Variants in GPHN observed in about 807,000 individuals in gnomAD.
GPHN encodes the protein gephyrin.
GPHN carries 17 observed loss-of-function variants against 95.5 expected under a neutral mutation model. The ratio of observed to expected loss-of-function variants is 0.18; its 90% confidence interval spans 0.12 to 0.27. GPHN has a LOEUF of 0.27. Ranked by LOEUF, GPHN falls within the 10% of genes least tolerant of loss-of-function variation. The pLI is 1.00. For synonymous variants in GPHN, 320 were observed against 322.5 expected (o/e 0.99, Z 0.08); for missense variants, 660 against 978.1 (o/e 0.67, Z 4.34).
the GPHN span, among the ~76,000 whole-genome samples, chr14:67,636,786 T>C: frequency 6.6e-6 from 1 of 152,314 alleles, no homozygotes; most frequent in Non-Finnish European, 1.5e-5. Context: ...AAACAGCAAG[T>C]GAAAAATGAG....
intron 9 of GPHN, among the ~76,000 whole-genome samples, chr14:67,006,596 G>A (rs1420157886): frequency 1.3e-5 from 2 of 152,140 alleles, no homozygotes; most frequent in East Asian, 3.8e-4. Flanking sequence ...TTATACTGAA[G>A]CTGTAGATTA....
the GPHN span, chr14:67,589,232 C>T: frequency 2.1e-6 from 1 of 487,154 alleles, no homozygotes; most frequent in Non-Finnish European, 2.7e-6. Context: ...ATTTCCCCCA[C>T]CCTCTCTCCT....
At chr14:66,604,633 C>T (rs908694287) in intron 1 of GPHN, among the ~76,000 whole-genome samples, 3 of 152,000 alleles carry the variant, frequency 2.0e-5, no homozygotes, top group Non-Finnish European at 4.4e-5. Flanking sequence ...AGTATATATA[C>T]TCAGAAATGC....
At chr14:67,564,110 C>G in the GPHN span, among the ~76,000 whole-genome samples, 3 of 151,724 alleles carry the variant, frequency 2.0e-5, no homozygotes, top group African/African-American at 7.3e-5. Flanking sequence ...ACCATGTTAG[C>G]CAGGATGGTC....
At chr14:66,715,601 T>A (rs1448278098) in intron 2 of GPHN, among the ~76,000 whole-genome samples, 1 of 152,164 alleles carries the variant, frequency 6.6e-6, no homozygotes, top group Non-Finnish European at 1.5e-5. Flanking sequence ...TCAGTCTTTT[T>A]GATGTAGGTG....
the GPHN span, among the ~76,000 whole-genome samples, chr14:67,718,187 G>A: frequency 6.6e-6 from 1 of 152,170 alleles, no homozygotes; most frequent in African/African-American, 2.4e-5. Flanking sequence ...CTGTGGTGCT[G>A]TACGGGCTCC....
chr14:66,923,307 A>T (rs950370284), intron 7 of GPHN, among the ~76,000 whole-genome samples: 2 of 152,078 alleles, frequency 1.3e-5, no homozygotes, highest in Non-Finnish European at 2.9e-5. Flanking sequence ...AGGAACAGCA[A>T]ACTGAAGGTA....
chr14:66,819,062 C>T (rs1391785996), intron 3 of GPHN, among the ~76,000 whole-genome samples: 1 of 152,090 alleles, frequency 6.6e-6, no homozygotes, highest in Admixed American at 6.6e-5. Context: ...TTGATAGTTT[C>T]TGTTGCTATA....
chr14:67,659,210 G>C, the GPHN span, among the ~76,000 whole-genome samples: 4 of 152,268 alleles, frequency 2.6e-5, no homozygotes, highest in African/African-American at 9.6e-5. Flanking sequence ...GCTCCTTCTC[G>C]AGAAGCGCCC....
the GPHN span, chr14:67,722,461 T>C: frequency 1.4e-6 from 1 of 695,814 alleles, no homozygotes. Context: ...TGACAGCTCT[T>C]GGATTTAAAT....
chr14:66,838,499 T>C (rs1045129406), intron 4 of GPHN, among the ~76,000 whole-genome samples: 1 of 152,160 alleles, frequency 6.6e-6, no homozygotes, highest in African/African-American at 2.4e-5. Context: ...AGTGATGATA[T>C]CTTGAAATCA....
intron 4 of GPHN, among the ~76,000 whole-genome samples, chr14:66,871,852 T>C (rs772952274): frequency 6.6e-6 from 1 of 152,010 alleles, no homozygotes; most frequent in Non-Finnish European, 1.5e-5. Flanking sequence ...AGATGACGGG[T>C]TGACAGGTGC....
the GPHN span, among the ~76,000 whole-genome samples, chr14:67,669,867 A>T: frequency 3.3e-5 from 5 of 152,240 alleles, no homozygotes; most frequent in Admixed American, 2.6e-4. Context: ...TAAGAGGCTG[A>T]GGTGGGTGGA....
At chr14:67,188,774 T>TTTCC in the GPHN span, among the ~76,000 whole-genome samples, 9,538 of 151,030 alleles carry the variant, frequency 0.063, 333 homozygotes, top group African/African-American at 0.083. Context: ...CTCAGTTTCT[T>TTTCC]TTCCTTCCTT....
the GPHN span, among the ~76,000 whole-genome samples, chr14:67,619,623 G>A: frequency 6.6e-6 from 1 of 152,264 alleles, no homozygotes; most frequent in African/African-American, 2.4e-5. Flanking sequence ...GCATGGGCCG[G>A]CCGCCTCCCG....
At chr14:66,700,340 T>C (rs1033759401) in intron 2 of GPHN, among the ~76,000 whole-genome samples, 3 of 152,138 alleles carry the variant, frequency 2.0e-5, no homozygotes, top group African/African-American at 7.2e-5. Context: ...TTCTAAACTG[T>C]GTGAGAGAAG....
At chr14:67,222,026 G>A in the GPHN span, 1 of 527,650 alleles carries the variant, frequency 1.9e-6, no homozygotes, top group Non-Finnish European at 3.2e-6. Context: ...AAACATTATG[G>A]TACTTTACTA....
chr14:66,622,340 A>G (rs2081538056), intron 1 of GPHN, among the ~76,000 whole-genome samples: 1 of 151,842 alleles, frequency 6.6e-6, no homozygotes, highest in South Asian at 2.1e-4. Flanking sequence ...CCACAAAACC[A>G]TGTTTTCCTC....
the GPHN span, among the ~76,000 whole-genome samples, chr14:67,419,621 G>A: frequency 6.6e-6 from 1 of 152,278 alleles, no homozygotes; most frequent in South Asian, 2.1e-4. Context: ...CCAGCACTTT[G>A]GGAGGCCGAG....
Sources: gnomAD v4.1 joint callset for allele counts (sites outside exome capture counted in the v4.1 genomes callset) on GRCh38, gnomAD v4.1.1 for gene constraint, MANE v1.5 for transcripts, NCBI Gene and HGNC (gene_info 2026-07-23, HGNC 2026-07-21) for gene names.